Variants in TESK2 observed in about 807,000 individuals in gnomAD.
TESK2 encodes dual specificity testis-specific protein kinase 2.
TESK2 carries 39 observed loss-of-function variants against 57.1 expected under a neutral mutation model. The observed-to-expected ratio is 0.68, with a 90% CI of 0.53 to 0.89. The LOEUF (loss-of-function observed/expected upper bound fraction) is 0.89. Ranked by LOEUF, TESK2 falls within the 40% of genes least tolerant of loss-of-function variation. The pLI, the probability that TESK2 is intolerant of heterozygous loss-of-function variation, is 0.00. For synonymous variants in TESK2, 249 were observed against 267.9 expected (o/e 0.93, Z 0.69); for missense variants, 646 against 732.1 (o/e 0.88, Z 1.36).
At chr1:45,449,411 C>T (rs1456033627) in intron 2 of TESK2, among the ~76,000 whole-genome samples, 3 of 152,032 alleles carry the variant, frequency 2.0e-5, no homozygotes, top group African/African-American at 7.2e-5. Context: ...TTGACAGCAG[C>T]TTTATTCATA....
At chr1:45,381,209 C>T (rs541725216) in intron 4 of TESK2, among the ~76,000 whole-genome samples, 1 of 152,230 alleles carries the variant, frequency 6.6e-6, no homozygotes, top group South Asian at 2.1e-4. Flanking sequence ...TCCAATGGGG[C>T]AGAAAACACA....
chr1:45,479,188 A>G (rs922206491), intron 1 of TESK2, among the ~76,000 whole-genome samples: 1 of 152,250 alleles, frequency 6.6e-6, no homozygotes, highest in African/African-American at 2.4e-5. Context: ...AACAGTAGCA[A>G]TACAAAACCC....
intron 4 of TESK2, among the ~76,000 whole-genome samples, chr1:45,356,488 C>T (rs1570643678): frequency 4.6e-5 from 7 of 151,840 alleles, no homozygotes; most frequent in Admixed American, 2.6e-4. Flanking sequence ...ATTAGCTGGA[C>T]GTGATGGTGC....
chr1:45,347,786 C>T (rs767144692), intron 6 of TESK2, 93 bp from the exon 7 acceptor site: 136 of 1,488,878 alleles, frequency 9.1e-5, no homozygotes, highest in African/African-American at 3.3e-4. Flanking sequence ...TGGGTACAGA[C>T]GAGGACTAAA....
intron 2 of TESK2, among the ~76,000 whole-genome samples, chr1:45,456,335 A>G (rs2149299509): frequency 6.6e-6 from 1 of 152,218 alleles, no homozygotes; most frequent in Admixed American, 6.5e-5. Context: ...CCTGGCCGAA[A>G]TGGTGAAACT....
chr1:45,345,618 T>C (rs1417499155), intron 10 of TESK2, 60 bp from the exon 11 acceptor site: 13 of 1,453,080 alleles, frequency 8.9e-6, no homozygotes, highest in Non-Finnish European at 1.2e-5. Context: ...AGCAGCATTT[T>C]ACCACAGAAT....
chr1:45,398,115 T>C (rs1337172027), intron 3 of TESK2, among the ~76,000 whole-genome samples: 1 of 152,078 alleles, frequency 6.6e-6, no homozygotes, highest in Non-Finnish European at 1.5e-5. Flanking sequence ...CCTTATGTTG[T>C]CCAGGCTACT....
chr1:45,457,461 AC>A (rs1652152721), intron 2 of TESK2, 102 bp downstream of exon 2: 1 of 1,009,906 alleles, frequency 9.9e-7, no homozygotes, highest in South Asian at 1.4e-5. Context: ...GATCCACAGC[AC>A]CTTTATTAGG....
chr1:45,357,560 A>T (rs1195529005), intron 4 of TESK2, among the ~76,000 whole-genome samples: 1 of 132,790 alleles, frequency 7.5e-6, no homozygotes, highest in African/African-American at 2.7e-5. Context: ...CTTTTTTAGT[A>T]AAAAAAAAAA....
chr1:45,454,848 A>C (rs1652010924), intron 2 of TESK2, among the ~76,000 whole-genome samples: 1 of 152,212 alleles, frequency 6.6e-6, no homozygotes, highest in Non-Finnish European at 1.5e-5. Context: ...ATGCTACAAC[A>C]TGAATAACCC....
At chr1:45,446,590 A>T (rs7520156) in intron 2 of TESK2, among the ~76,000 whole-genome samples, 6,245 of 152,262 alleles carry the variant, frequency 0.041, 203 homozygotes, top group Non-Finnish European at 0.056. Flanking sequence ...AAAGAACAAA[A>T]AAATAGGACC....
At chr1:45,346,424 C>A (rs1456967698) in intron 9 of TESK2, among the ~76,000 whole-genome samples, 2 of 152,208 alleles carry the variant, frequency 1.3e-5, no homozygotes, top group Non-Finnish European at 2.9e-5. Context: ...TAAAACCGGA[C>A]CAGAGTTCCA....
chr1:45,452,010 G>C (rs1651889912), intron 2 of TESK2, among the ~76,000 whole-genome samples: 1 of 98,928 alleles, frequency 1.0e-5, no homozygotes, highest in South Asian at 2.8e-4. Context: ...TCCAGCCTGG[G>C]AGACAGAACA....
At chr1:45,436,181 CT>C (rs1170732475) in intron 2 of TESK2, among the ~76,000 whole-genome samples, 6 of 56,614 alleles carry the variant, frequency 1.1e-4, no homozygotes, top group Admixed American at 3.1e-4. Context: ...TTGGTATCTT[CT>C]TTTTTTTTTT....
At chr1:45,457,344 CTA>C (rs1652150393) in intron 2 of TESK2, among the ~76,000 whole-genome samples, 1 of 152,034 alleles carries the variant, frequency 6.6e-6, no homozygotes, top group South Asian at 2.1e-4. Flanking sequence ...GAAGAGAATC[CTA>C]TGTTATTTGA....
At chr1:45,346,360 C>G (rs971027835) in intron 9 of TESK2, among the ~76,000 whole-genome samples, 1 of 152,190 alleles carries the variant, frequency 6.6e-6, no homozygotes, top group Non-Finnish European at 1.5e-5. Context: ...ACATGAAGGC[C>G]AAGAAGAGCC....
intron 1 of TESK2, among the ~76,000 whole-genome samples, chr1:45,485,067 T>G (rs1312769839): frequency 6.6e-6 from 1 of 151,852 alleles, no homozygotes; most frequent in Non-Finnish European, 1.5e-5. Flanking sequence ...CAAATTAAAT[T>G]AAAAATAAAA....
Position 45,385,898 on chromosome 1 carries a change from T to C in TESK2, c.393+14A>G. On this transcript the variant is annotated intron_variant, in intron 4 of 10. Transcript: ENST00000372086. ...AAGGCAAATACGTTACTTCAACACT[T>C]ACTGATGTCTTACCTCTGTAAGTGC... 6.3e-7 allele frequency: 1 copy of C among 1,593,866 alleles called. No homozygotes were observed. Among genetic ancestry groups the C allele is most frequent in the Non-Finnish European group, 8.6e-7 (1 of 1,166,280 alleles).
chr1:45,386,150 T>A (rs1648884280), intron 3 of TESK2, among the ~76,000 whole-genome samples, 190 bp from the exon 4 acceptor site: 1 of 151,898 alleles, frequency 6.6e-6, no homozygotes, highest in East Asian at 1.9e-4. Context: ...TTCAAGACCA[T>A]CCTGGCCAAC....
Sources: allele counts gnomAD v4.1 joint callset (sites outside exome capture counted in the v4.1 genomes callset), GRCh38; gene constraint gnomAD v4.1.1; transcripts MANE v1.5; gene names NCBI Gene and HGNC (gene_info 2026-07-23, HGNC 2026-07-21).